The following INO80 variants were observed in gnomAD, a reference collection of about 807,000 sequenced individuals.
INO80 encodes chromatin-remodeling ATPase INO80.
Under a neutral mutation model 203.4 loss-of-function variants are expected in INO80, and 20 were observed. That is an observed-to-expected ratio of 0.10 (90% confidence interval 0.07 to 0.14). The LOEUF (loss-of-function observed/expected upper bound fraction) is 0.14. Among genes scored for constraint, INO80 ranks in the 10% least tolerant of loss-of-function variants. The pLI is 1.00. For synonymous variants in INO80, 726 were observed against 685.2 expected, an observed-to-expected ratio of 1.06 and a Z score of -0.93; for missense variants, 1,419 against 1,914.4, an observed-to-expected ratio of 0.74 and a Z score of 4.83.
intron 5 of INO80, among the ~76,000 whole-genome samples, chr15:41,090,734 A>T (rs746479021): frequency 2.6e-4 from 39 of 152,060 alleles, no homozygotes; most frequent in Non-Finnish European, 4.0e-4. Flanking sequence ...TGAATATATT[A>T]AAAAAACACT....
At chr15:41,017,035 A>C (rs2044221193) in intron 26 of INO80, 2 of 151,842 alleles carry the variant, frequency 1.3e-5, no homozygotes, top group Non-Finnish European at 2.9e-5. Context: ...AGGACTGCAA[A>C]TAGGTTGACT....
chr15:41,110,193 G>T (rs985397621), intron 1 of INO80, among the ~76,000 whole-genome samples: 1 of 152,012 alleles, frequency 6.6e-6, no homozygotes, highest in Non-Finnish European at 1.5e-5. Flanking sequence ...TCGCCAGGCT[G>T]GAGTGCAGTG....
rs1458923153 is a variant in INO80, at chr15:41,116,082, C to T, written c.-153G>A. 1.3e-5 allele frequency: 5 copies of T among 396,678 alleles called. No individual in the cohort carries two copies. The East Asian group carries it at 1.4e-4, about 11-fold the overall frequency. The allele number at this position is 396,678 out of a possible 1,614,324, so 24.6% of individuals were successfully genotyped here. A position where few individuals can be genotyped will look rare whatever the true frequency, so the allele number is the denominator to read the frequency against. Reference sequence around the variant, plus strand: ...CGACGGTGGAGCCGCGGTTCGCTCTCTGAGGCCGTGGGACGGTGACTGCGT... The same window carrying T: ...CGACGGTGGAGCCGCGGTTCGCTCTTTGAGGCCGTGGGACGGTGACTGCGT... On this transcript the variant is annotated 5_prime_UTR_variant, in exon 1 of 36. Coordinates refer to ENST00000648947, the MANE Select transcript of INO80 (RefSeq NM_017553.3).
chr15:40,985,575 T>G, intron 31 of INO80, 149 bp from the exon 32 acceptor site: 1 of 666,606 alleles, frequency 1.5e-6, no homozygotes. Context: ...TTTTCTAACT[T>G]GGATTCTCAA....
At position 41,073,429 on chromosome 15, in the gene INO80, C is replaced by A; in HGVS notation, c.1394G>T (p.Arg465Leu). The change falls in exon 11 of 36, where the codon CGG (arginine) becomes CTG (leucine). Residue 465 changes from arginine to leucine, a missense_variant and splice_region_variant. Physicochemically the swap from Arg to Leu is moderately radical, Grantham distance 102 (BLOSUM62 -2). Around this residue, in one of 9 missense-constraint regions of INO80, gnomAD observed 116 missense variants for 119.5 expected, o/e 0.97. Coordinates refer to ENST00000648947, the MANE Select transcript of INO80 (RefSeq NM_017553.3). ...AAACCTTTCTATCTGAAGACTCACC[C>A]GAGCTTGGTGAATATGGTAAGCATT... ...AENAYHIHQA[R>L]TRSFDEDAKE... 1.9e-6 allele frequency: 3 copies of A among 1,613,506 alleles called. No individual in the cohort carries two copies. Among genetic ancestry groups the A allele is most frequent in the Non-Finnish European group, 2.5e-6 (3 of 1,179,482 alleles).
intron 24 of INO80, among the ~76,000 whole-genome samples, chr15:41,040,872 A>T (rs994523064): frequency 6.6e-6 from 1 of 152,208 alleles, no homozygotes; most frequent in African/African-American, 2.4e-5. Context: ...ACTACAAATC[A>T]TAAGAAAAAT....
At chr15:41,043,492 C>T (rs562792824) in intron 24 of INO80, among the ~76,000 whole-genome samples, 14 of 152,192 alleles carry the variant, frequency 9.2e-5, no homozygotes, top group African/African-American at 3.1e-4. Flanking sequence ...CTCCAAAGTC[C>T]AAAAATTACA....
rs983229268 is a variant in INO80, at chr15:41,068,560, T to TA, written c.1782+1009dup. The stretch of plus-strand genomic sequence containing the variant: ...TGGGTAACAAGAGTGAAACTCTGAT[T>TA]AAAAAAAAAAACAACAGCTGTGTGC... On this transcript the variant is annotated intron_variant, in intron 14 of 35. Coordinates refer to ENST00000648947, the MANE Select transcript of INO80 (RefSeq NM_017553.3). Among the ~76,000 whole-genome samples the TA allele has an allele frequency of 9.4e-4, 134 of 141,848 alleles. 1 individual carries two copies. The highest frequency in any genetic ancestry group is 2.6e-3 in the African/African-American group (99 of 38,726). The allele number at this position is 141,848 out of a possible 152,430, so 93.1% of individuals were successfully genotyped here. A position where few individuals can be genotyped will look rare whatever the true frequency, so the allele number is the denominator to read the frequency against.
chr15:41,036,156 G>GA (rs369185302), intron 24 of INO80, among the ~76,000 whole-genome samples: 14,936 of 31,938 alleles, frequency 0.47, 5,562 homozygotes, highest in East Asian at 0.71. Flanking sequence ...ACTCTCTCTC[G>GA]AAAAAAAAAA....
chr15:41,020,902 G>C lies in INO80; in HGVS notation c.3272C>G (p.Pro1091Arg), dbSNP rs1389543953. The C allele has an allele frequency of 6.2e-7, 1 of 1,603,998 alleles. No individual in the cohort carries two copies. The highest frequency in any genetic ancestry group is 1.1e-5 in the South Asian group (1 of 90,810). Residue 1091 changes from proline (P) to arginine (R), a missense_variant and splice_region_variant, in exon 26 of 36, where the codon CCA becomes CGA. By Grantham distance (103) the Pro-to-Arg change is moderately radical. This residue lies in a region of INO80 where 302 missense variants were observed against 345.4 expected (regional missense o/e 0.87). Coordinates refer to ENST00000648947, the MANE Select transcript of INO80 (RefSeq NM_017553.3). Reference sequence around the variant, plus strand: ...TTCCAAGAGGATTGAGAACTCACCTGGAATCCTGATGAAAGACCAGCCATT... The same window carrying C: ...TTCCAAGAGGATTGAGAACTCACCTCGAATCCTGATGAAAGACCAGCCATT... ...PQNGWSFIRI[P>R]GKESLITDSG...
chr15:41,074,617 A>T (rs769764249), intron 9 of INO80, 52 bp from the exon 10 acceptor site: 3 of 1,307,334 alleles, frequency 2.3e-6, no homozygotes, highest in East Asian at 2.4e-5. Context: ...GATATCCAAG[A>T]AGTAGTCCAG....
At chr15:40,983,648 G>T in intron 34 of INO80, 114 bp downstream of exon 34, 1 of 874,628 alleles carries the variant, frequency 1.1e-6, no homozygotes, top group Non-Finnish European at 1.7e-6. Flanking sequence ...ACTTGACAAA[G>T]CTATTGAAAG....
intron 34 of INO80, 137 bp downstream of exon 34, chr15:40,983,625 G>A (rs957083412): frequency 1.6e-5 from 12 of 752,062 alleles, no homozygotes; most frequent in Middle Eastern, 4.0e-4. Flanking sequence ...CCTAAACCTC[G>A]TTTTCTCATT....
At chr15:41,084,803 G>A (rs534466741) in intron 7 of INO80, among the ~76,000 whole-genome samples, 71 of 152,156 alleles carry the variant, frequency 4.7e-4, no homozygotes, top group Non-Finnish European at 8.4e-4. Flanking sequence ...GCAGTGGTGC[G>A]ATCTCAGCTC....
intron 1 of INO80, among the ~76,000 whole-genome samples, chr15:41,100,782 T>C (rs907276158): frequency 2.6e-5 from 4 of 152,214 alleles, no homozygotes; most frequent in South Asian, 2.1e-4. Flanking sequence ...AGTGGCATTA[T>C]ATACATTCAC....
chr15:41,108,043 T>C (rs983847657), intron 1 of INO80, among the ~76,000 whole-genome samples: 2 of 151,122 alleles, frequency 1.3e-5, no homozygotes, highest in Non-Finnish European at 3.0e-5. Context: ...GAGGTTGTGG[T>C]GGGCCGAGAT....
chr15:40,982,311 T>G (rs1444684029), intron 35 of INO80, among the ~76,000 whole-genome samples: 1 of 152,152 alleles, frequency 6.6e-6, no homozygotes, highest in African/African-American at 2.4e-5. Context: ...CACGCCCATC[T>G]AATTTTTTGT....
intron 27 of INO80, among the ~76,000 whole-genome samples, chr15:41,014,085 C>A (rs1276359860): frequency 6.6e-6 from 1 of 152,136 alleles, no homozygotes; most frequent in South Asian, 2.1e-4. Context: ...TTAATGAGAA[C>A]CTAGAAGTGT....
Position 41,049,345 on chromosome 15 carries a change from T to C in INO80, c.2518A>G (p.Ile840Val). 1 of 1,613,884 alleles carries C rather than the reference T, an allele frequency of 6.2e-7. No homozygotes were observed. The highest frequency in any genetic ancestry group is 8.5e-7 in the Non-Finnish European group (1 of 1,179,760). The change falls in exon 21 of 36, where the codon ATT becomes GTT. Residue 840 changes from isoleucine to valine, a missense_variant. By Grantham distance (29) the Ile-to-Val change is conservative (BLOSUM62 3). Transcript: ENST00000648947. ...PFHISLKPYHISKFIYRHGQI... is the reference protein window; with the variant it reads ...PFHISLKPYHVSKFIYRHGQI... Reference sequence around the variant, plus strand: ...CCATGACGGTAGATAAACTTTGAAATGTGGTATGGCTTTAGGGAAATATGA... The same window carrying C: ...CCATGACGGTAGATAAACTTTGAAACGTGGTATGGCTTTAGGGAAATATGA...
Sources: gnomAD v4.1 joint callset for allele counts (sites outside exome capture counted in the v4.1 genomes callset) on GRCh38, gnomAD v4.1.1 for gene constraint, gnomAD v4.1.1 regional missense constraint, MANE v1.5 for transcripts, NCBI Gene and HGNC (gene_info 2026-07-23, HGNC 2026-07-21) for gene names.